Variants in XDH observed in about 807,000 individuals in gnomAD.
XDH encodes xanthine dehydrogenase/oxidase.
A neutral mutation model predicts 156.1 loss-of-function variants in XDH; 138 were observed. The observed-to-expected ratio is 0.88, with a 90% CI of 0.77 to 1.02. The LOEUF (loss-of-function observed/expected upper bound fraction) is 1.02, where lower values mean the gene tolerates loss of function less well. Among genes scored for constraint, XDH ranks in the 50% least tolerant of loss-of-function variants. The pLI, the probability that XDH is intolerant of heterozygous loss-of-function variation, is 0.00. For synonymous variants in XDH, 669 were observed against 625.7 expected, an observed-to-expected ratio of 1.07 and a Z score of -1.03; for missense variants, 1,849 against 1,684.9, an observed-to-expected ratio of 1.10 and a Z score of -1.71.
At chr2:31,345,543 T>G (rs971686729) in intron 30 of XDH, among the ~76,000 whole-genome samples, 2 of 152,236 alleles carry the variant, frequency 1.3e-5, no homozygotes, top group Non-Finnish European at 2.9e-5. Flanking sequence ...TTTAGCACTT[T>G]GCATACATTA....
chr2:31,397,051 A>C (rs900864555), intron 6 of XDH, among the ~76,000 whole-genome samples: 1 of 152,106 alleles, frequency 6.6e-6, no homozygotes, highest in African/African-American at 2.4e-5. Flanking sequence ...ACCTGGGGGG[A>C]GATTAAGCCA....
chr2:31,414,578 C>A, intron 1 of XDH, 47 bp downstream of exon 1: 1 of 1,612,970 alleles, frequency 6.2e-7, no homozygotes. Flanking sequence ...ACACATTTCC[C>A]CTCCCAGGGA....
intron 6 of XDH, among the ~76,000 whole-genome samples, chr2:31,396,693 A>G (rs206859): frequency 0.63 from 95,841 of 152,012 alleles, 30,538 homozygotes; most frequent in Middle Eastern, 0.7. Flanking sequence ...GACTTGCCCA[A>G]GGTCGTGCAT....
chr2:31,340,055 A>C (rs1685084243), intron 33 of XDH, among the ~76,000 whole-genome samples: 1 of 152,224 alleles, frequency 6.6e-6, no homozygotes, highest in East Asian at 1.9e-4. Flanking sequence ...ACTTACCTCC[A>C]GCCTTTTTGA....
intron 24 of XDH, among the ~76,000 whole-genome samples, chr2:31,360,183 G>A (rs1685739574): frequency 1.3e-5 from 2 of 152,186 alleles, no homozygotes; most frequent in South Asian, 2.1e-4. Flanking sequence ...GAAAATTCCA[G>A]AAATAAACAA....
rs45514596 is a variant in XDH at position 31,402,426 on chromosome 2, T to C, written c.197+622A>G. 5.1e-3 allele frequency among the ~76,000 whole-genome samples: 784 copies of C among 152,314 alleles called. 8 individuals are homozygous for C. The highest frequency in any genetic ancestry group is 0.018 in the African/African-American group (740 of 41,580). ...CAAATAAACTGTAAAAATTGTATCATGCCTGAGTTTACATTGGGAATGCTG... is the reference window on the plus strand; with the variant it reads ...CAAATAAACTGTAAAAATTGTATCACGCCTGAGTTTACATTGGGAATGCTG... On this transcript the variant is annotated intron_variant, in intron 3 of 35. Transcript: ENST00000379416.
rs776349939 is a variant in XDH, at chr2:31,377,078, T to G, written c.1402A>C (p.Lys468Gln). Residue 468 changes from lysine to glutamine, a missense_variant, in exon 14 of 36, where the codon AAG becomes CAG. Transcript: ENST00000379416. ...GMANRTISALKTTQRQLSKLW... is the reference protein window; with the variant it reads ...GMANRTISALQTTQRQLSKLW... ...TTGGAAAGCTGCCTCTGAGTGGTCT[T>G]GAGGGCTGAGATGGTTCTGTTGGCC... The G allele has an allele frequency of 6.2e-7, 1 of 1,614,158 alleles. No individual in the cohort carries two copies. Among genetic ancestry groups the G allele is most frequent in the Non-Finnish European group, 8.5e-7 (1 of 1,180,024 alleles).
chr2:31,339,323 C>T lies in XDH; in HGVS notation c.3774+166G>A, dbSNP rs567308004. Reference sequence around the variant, plus strand: ...TTTAACTGGTTCTCAAGCAGGACTGCCCAACTATCCCACTGCCCCTACCAA... The same window carrying T: ...TTTAACTGGTTCTCAAGCAGGACTGTCCAACTATCCCACTGCCCCTACCAA... On this transcript the variant is annotated intron_variant, in intron 34 of 35. Coordinates refer to ENST00000379416, the MANE Select transcript of XDH (RefSeq NM_000379.4). 2.0e-5 allele frequency among the ~76,000 whole-genome samples: 3 copies of T among 152,310 alleles called. No homozygotes were observed. The South Asian group carries it at 6.2e-4, about 32-fold the overall frequency.
At chr2:31,336,225 A>G (rs1406530304) in intron 35 of XDH, among the ~76,000 whole-genome samples, 1 of 152,220 alleles carries the variant, frequency 6.6e-6, no homozygotes, top group African/African-American at 2.4e-5. Flanking sequence ...CAGGCGTTCT[A>G]TTAGGTTTTG....
chr2:31,392,034 A>G (rs11904439), intron 6 of XDH, among the ~76,000 whole-genome samples: 5,203 of 152,342 alleles, frequency 0.034, 148 homozygotes, highest in Middle Eastern at 0.095. Context: ...GAGTTTTGGT[A>G]GCTTACATCT....
intron 1 of XDH, 47 bp from the exon 2 acceptor site, chr2:31,406,011 A>G (rs1171919571): frequency 1.9e-6 from 3 of 1,590,082 alleles, no homozygotes; most frequent in Non-Finnish European, 1.7e-6. Context: ...ATACTTAGTC[A>G]TCTTTCTGCA....
chr2:31,343,657 A>T (rs1685202945), intron 31 of XDH, among the ~76,000 whole-genome samples: 1 of 146,016 alleles, frequency 6.8e-6, no homozygotes, highest in African/African-American at 2.5e-5. Flanking sequence ...ACATATGTTT[A>T]TACAGATATA....
chr2:31,412,341 C>A (rs1687363714), intron 1 of XDH, among the ~76,000 whole-genome samples: 1 of 152,102 alleles, frequency 6.6e-6, no homozygotes, highest in Admixed American at 6.5e-5. Flanking sequence ...AAGCCAGAGT[C>A]CTGGACAGTG....
intron 31 of XDH, among the ~76,000 whole-genome samples, chr2:31,343,247 T>C (rs1251166792): frequency 7.2e-6 from 1 of 138,840 alleles, no homozygotes; most frequent in African/African-American, 2.8e-5. Flanking sequence ...AGGTCAGATA[T>C]TAAAAACCTA....
intron 24 of XDH, among the ~76,000 whole-genome samples, chr2:31,360,710 G>C (rs1309641257): frequency 6.6e-6 from 1 of 152,112 alleles, no homozygotes; most frequent in East Asian, 1.9e-4. Context: ...TGAGGTTTCA[G>C]GCACCCACTA....
At position 31,381,674 on chromosome 2, in the gene XDH, A is replaced by T; in HGVS notation, c.1091T>A (p.Val364Glu). Reference sequence around the variant, plus strand: ...CAGCTTGGCCCCACTGGCCATGAACACGGGGTTGAGGTCGGAGATGGGGCT... The same window carrying T: ...CAGCTTGGCCCCACTGGCCATGAACTCGGGGTTGAGGTCGGAGATGGGGCT... ...TASPISDLNP[V>E]FMASGAKLTL... Residue 364 changes from valine (V) to glutamate (E), a missense_variant, in exon 12 of 36, where the codon GTG becomes GAG. Val to Glu is a moderately radical substitution (Grantham distance 121). Coordinates refer to ENST00000379416, the MANE Select transcript of XDH (RefSeq NM_000379.4). 6.2e-7 allele frequency: 1 copy of T among 1,614,066 alleles called. No homozygotes were observed. The highest frequency in any genetic ancestry group is 8.5e-7 in the Non-Finnish European group (1 of 1,180,012).
Position 31,383,154 on chromosome 2 carries a change from T to C in XDH, c.887-2A>G, listed in dbSNP as rs1212377842. On this transcript the variant is annotated splice_acceptor_variant, in intron 10 of 35. Transcript: ENST00000379416. LOFTEE classifies it high-confidence loss of function. ...GGCAAGCAGCTCCAAAGGAGATACC[T>C]GGGAACGCACGTTCGGAATCACAGC... 6.2e-7 allele frequency: 1 copy of C among 1,614,052 alleles called. No homozygotes were observed. The highest frequency in any genetic ancestry group is 8.5e-7 in the Non-Finnish European group (1 of 1,180,024).
rs569028479 is a variant in XDH at position 31,335,853 on chromosome 2, G to A, written c.*105C>T. 3.9e-6 allele frequency: 5 copies of A among 1,285,958 alleles called. No homozygotes were observed. In the South Asian group the frequency reaches 4.8e-5, roughly 12 times the overall value. 79.7% of individuals were successfully genotyped at this position (1,285,958 alleles called of 1,614,324 possible). A position where few individuals can be genotyped will look rare whatever the true frequency, so the allele number is the denominator to read the frequency against. ...CAAATCCCATCTTGACAAATCACAG[G>A]TCTGTCATTCTGTGACTTTAATAGA... On this transcript the variant is annotated 3_prime_UTR_variant, in exon 36 of 36. Coordinates refer to ENST00000379416, the MANE Select transcript of XDH (RefSeq NM_000379.4).
At chr2:31,360,745 T>G (rs1264874148) in intron 24 of XDH, among the ~76,000 whole-genome samples, 1 of 152,138 alleles carries the variant, frequency 6.6e-6, no homozygotes, top group Non-Finnish European at 1.5e-5. Context: ...TATCTCCTCC[T>G]GCAGATAAGG....
Sources: gnomAD v4.1 joint callset for allele counts (sites outside exome capture counted in the v4.1 genomes callset) on GRCh38, gnomAD v4.1.1 for gene constraint, MANE v1.5 for transcripts, NCBI Gene and HGNC (gene_info 2026-07-23, HGNC 2026-07-21) for gene names.